SLC22A14: variants seen among roughly 807,000 people sequenced by gnomAD.
SLC22A14 encodes solute carrier family 22 member 14, also known as organic cation transporter-like 4.
SLC22A14 carries 50 observed loss-of-function variants against 53.9 expected under a neutral mutation model. The observed-to-expected ratio is 0.93, with a 90% CI of 0.74 to 1.17. The LOEUF is 1.17. Among genes scored for constraint, SLC22A14 ranks in the 50% most tolerant of loss-of-function variants. The pLI is 0.00. For missense variants in SLC22A14, 671 were observed against 734.7 expected (o/e 0.91, Z 1.00); for synonymous variants, 312 against 303.0 (o/e 1.03, Z -0.31).
At chr3:38,297,090 G>A (rs1277943936) in intron 1 of SLC22A14, among the ~76,000 whole-genome samples, 1 of 152,210 alleles carries the variant, frequency 6.6e-6, no homozygotes, top group Non-Finnish European at 1.5e-5. Context: ...TCGAATGCCT[G>A]GGTTTATATC....
intron 7 of SLC22A14, 44 bp from the exon 8 acceptor site, chr3:38,313,683 T>C (rs371217018): frequency 2.7e-6 from 2 of 737,126 alleles, no homozygotes; most frequent in Non-Finnish European, 4.0e-6. Flanking sequence ...GCTCCGTGTG[T>C]GTGCGCGCGT....
At chr3:38,302,932 C>A (rs1417562299) in intron 1 of SLC22A14, among the ~76,000 whole-genome samples, 1 of 151,968 alleles carries the variant, frequency 6.6e-6, no homozygotes, top group Admixed American at 6.6e-5. Context: ...CATTATAGAA[C>A]TTTTAAGACT....
intron 1 of SLC22A14, among the ~76,000 whole-genome samples, chr3:38,283,090 T>A (rs1339754900): frequency 6.6e-6 from 1 of 152,136 alleles, no homozygotes; most frequent in East Asian, 1.9e-4. Context: ...GCCTCCTGCA[T>A]TCCTTGGCTC....
intron 1 of SLC22A14, among the ~76,000 whole-genome samples, chr3:38,287,162 A>G (rs1703813262): frequency 6.6e-6 from 1 of 151,614 alleles, no homozygotes; most frequent in Non-Finnish European, 1.5e-5. Flanking sequence ...GTTTTTTTCC[A>G]CTTTAAGATT....
upstream of SLC22A14, among the ~76,000 whole-genome samples, chr3:38,280,194 A>C (rs972590196): frequency 2.6e-5 from 4 of 152,044 alleles, no homozygotes; most frequent in African/African-American, 7.3e-5. Flanking sequence ...TCCACTAATC[A>C]CCTGCTAATC....
intron 7 of SLC22A14, 44 bp from the exon 8 acceptor site, chr3:38,313,683 T>TGGGTGTGTGTGTGTGTGCGCGC: frequency 1.4e-6 from 1 of 737,126 alleles, no homozygotes; most frequent in Non-Finnish European, 2.0e-6. Context: ...GCTCCGTGTG[T>TGGGTGTGTGTGTGTGTGCGCGC]GTGCGCGCGT....
At chr3:38,311,111 A>G (rs777162262) in intron 5 of SLC22A14, among the ~76,000 whole-genome samples, 3 of 152,178 alleles carry the variant, frequency 2.0e-5, no homozygotes, top group Non-Finnish European at 4.4e-5. Context: ...CCCTTTGCCT[A>G]GCTCGAGTAG....
chr3:38,288,588 T>C (rs1374982764), intron 1 of SLC22A14, among the ~76,000 whole-genome samples: 4 of 152,220 alleles, frequency 2.6e-5, no homozygotes, highest in Non-Finnish European at 5.9e-5. Flanking sequence ...CAATATTTGT[T>C]TCCTTTTCTT....
Position 38,316,327 on chromosome 3 carries a change from G to T in SLC22A14, c.1536G>T (p.Ala512=), listed in dbSNP as rs200370977. The stretch of plus-strand genomic sequence containing the variant: ...GAGCTCTCACCTCCACTTTCAGGGC[G>T]ACAGGTCTGGGGCTGGTGTCTCTGG... The part of the protein sequence containing the change: ...TAELLPTVLR[A]TGLGLVSLAS... The change falls in exon 10 of 11, where the codon GCG becomes GCT. Residue 512 remains alanine, a synonymous_variant. Transcript: ENST00000448498. 6.2e-7 allele frequency: 1 copy of T among 1,613,948 alleles called. No homozygotes were observed. Among genetic ancestry groups the T allele is most frequent in the African/African-American group, 1.3e-5 (1 of 74,916 alleles).
At chr3:38,306,942 A>G (rs1369732229) in intron 2 of SLC22A14, among the ~76,000 whole-genome samples, 1 of 152,204 alleles carries the variant, frequency 6.6e-6, no homozygotes. Context: ...ATGAATCTGC[A>G]GGTTGGGCCT....
At chr3:38,303,109 T>A (rs1043929013) in intron 1 of SLC22A14, among the ~76,000 whole-genome samples, 3 of 152,106 alleles carry the variant, frequency 2.0e-5, no homozygotes, top group African/African-American at 7.2e-5. Flanking sequence ...TATTTGTATC[T>A]TCTTTTTTAT....
chr3:38,299,653 C>T (rs1407733342), intron 1 of SLC22A14, among the ~76,000 whole-genome samples: 1 of 152,200 alleles, frequency 6.6e-6, no homozygotes, highest in Non-Finnish European at 1.5e-5. Context: ...GCTTCAATCT[C>T]CTGGGCTCAA....
At chr3:38,318,088 C>A in intron 10 of SLC22A14, 110 bp from the exon 11 acceptor site, 9 of 966,884 alleles carry the variant, frequency 9.3e-6, no homozygotes, top group Non-Finnish European at 1.5e-5. Context: ...AGTGAGAAAG[C>A]CTCACCTCTT....
chr3:38,306,645 C>T (rs1172209795), intron 2 of SLC22A14, 103 bp downstream of exon 2: 2 of 1,202,982 alleles, frequency 1.7e-6, no homozygotes, highest in Non-Finnish European at 2.4e-6. Flanking sequence ...AGATGGGAAG[C>T]CATTGGCCTG....
Position 38,315,543 on chromosome 3 carries a change from C to T in SLC22A14, c.1379-15C>T. On this transcript the variant is annotated splice_polypyrimidine_tract_variant and intron_variant, in intron 8 of 10. Coordinates refer to ENST00000448498, the MANE Select transcript of SLC22A14 (RefSeq NM_001320033.2). ...AAGGGAGGGCTGATGAGTGGAACTC[C>T]TTCACCCACCCCAGGGGAGGATGGC... 1 of 1,611,080 alleles carries T rather than the reference C, an allele frequency of 6.2e-7. No individual in the cohort carries two copies. The highest frequency in any genetic ancestry group is 8.5e-7 in the Non-Finnish European group (1 of 1,178,458).
chr3:38,303,485 A>C (rs1704217498), intron 1 of SLC22A14, among the ~76,000 whole-genome samples: 1 of 149,854 alleles, frequency 6.7e-6, no homozygotes, highest in Non-Finnish European at 1.5e-5. Context: ...TTTCTTCTTT[A>C]ACTTGTATTC....
chr3:38,314,585 C>T (rs1704571229), intron 8 of SLC22A14, among the ~76,000 whole-genome samples: 1 of 152,230 alleles, frequency 6.6e-6, no homozygotes, highest in Non-Finnish European at 1.5e-5. Context: ...CTGTGCAGCA[C>T]ATGCACTTAG....
In SLC22A14 at chr3:38,286,380, A is replaced by G. The variant is rs529481180; in HGVS notation, c.-1+4041A>G. ...AGGCCACACGAGTTTCCTCTTCGTA[A>G]AATACCTGTTCAGGTCTTTGGCCCA... On this transcript the variant is annotated intron_variant, in intron 1 of 10. Coordinates refer to ENST00000448498, the MANE Select transcript of SLC22A14 (RefSeq NM_001320033.2). 1.8e-3 allele frequency among the ~76,000 whole-genome samples: 275 copies of G among 152,100 alleles called. 1 individual carries two copies. Among genetic ancestry groups the G allele is most frequent in the African/African-American group, 6.5e-3 (270 of 41,512 alleles).
chr3:38,315,263 A>G (rs1238131847), intron 8 of SLC22A14, among the ~76,000 whole-genome samples: 1 of 152,256 alleles, frequency 6.6e-6, no homozygotes, highest in Admixed American at 6.5e-5. Context: ...TTGGGTGAGG[A>G]GGTGGAACGA....
Sources: allele counts gnomAD v4.1 joint callset (sites outside exome capture counted in the v4.1 genomes callset), GRCh38; gene constraint gnomAD v4.1.1; transcripts MANE v1.5; gene names NCBI Gene and HGNC (gene_info 2026-07-23, HGNC 2026-07-21).